The following TRDMT1 variants were observed in gnomAD, a reference collection of about 807,000 sequenced individuals.
The protein encoded by TRDMT1 is tRNA aspartic acid methyltransferase 1.
TRDMT1 carries 49 observed loss-of-function variants against 51.2 expected under a neutral mutation model. That is an observed-to-expected ratio of 0.96 (90% CI 0.76 to 1.21). The LOEUF (loss-of-function observed/expected upper bound fraction) is 1.21. Among genes scored for constraint, TRDMT1 ranks in the 50% most tolerant of loss-of-function variants. The pLI is 0.00. For synonymous variants in TRDMT1, 187 were observed against 164.6 expected, an observed-to-expected ratio of 1.14 and a Z score of -1.04; for missense variants, 534 against 462.3, an observed-to-expected ratio of 1.16 and a Z score of -1.42.
chr10:17,150,437 C>T (rs1159347343), intron 10 of TRDMT1: 1 of 985,136 alleles, frequency 1.0e-6, no homozygotes, highest in African/African-American at 1.7e-5. Flanking sequence ...ATTGGACTTC[C>T]ATTTGCTACA....
intron 10 of TRDMT1, among the ~76,000 whole-genome samples, chr10:17,149,881 C>T (rs954377896): frequency 6.6e-6 from 1 of 152,062 alleles, no homozygotes; most frequent in East Asian, 1.9e-4. Flanking sequence ...TCCATTCATT[C>T]GTTCATAGAC....
chr10:17,147,464 A>G lies in TRDMT1; in HGVS notation c.*1576T>C, dbSNP rs757976757. 1.8e-5 allele frequency: 10 copies of G among 564,914 alleles called. No individual in the cohort carries two copies. Among genetic ancestry groups the G allele is most frequent in the Non-Finnish European group, 2.2e-5 (10 of 446,148 alleles). The allele number at this position is 564,914 out of a possible 1,614,324, so 35.0% of individuals were successfully genotyped here. ...ATACAGTTGCAGTGGCATTAAGTACACTCACACTGTTGTGCAACCATCCTC... is the reference window on the plus strand; with the variant it reads ...ATACAGTTGCAGTGGCATTAAGTACGCTCACACTGTTGTGCAACCATCCTC... On this transcript the variant is annotated 3_prime_UTR_variant, in exon 11 of 11. Transcript: ENST00000377799.
chr10:17,193,314 G>T (rs1407056750), intron 1 of TRDMT1, among the ~76,000 whole-genome samples: 1 of 151,938 alleles, frequency 6.6e-6, no homozygotes, highest in Non-Finnish European at 1.5e-5. Flanking sequence ...AGTGAGCCAA[G>T]ATTAAGCCAC....
intron 1 of TRDMT1, among the ~76,000 whole-genome samples, chr10:17,190,433 CAAA>C (rs36012341): frequency 7.8e-6 from 1 of 128,080 alleles, no homozygotes; most frequent in East Asian, 2.5e-4. Context: ...AATAAAAGAG[CAAA>C]AAAAAAAAAA....
chr10:17,152,252 C>T (rs905990325), intron 10 of TRDMT1, among the ~76,000 whole-genome samples: 1 of 152,112 alleles, frequency 6.6e-6, no homozygotes. Context: ...TTAAACAACA[C>T]TCCCCAGGAT....
At chr10:17,183,023 A>T (rs1843463584) in intron 1 of TRDMT1, among the ~76,000 whole-genome samples, 2 of 152,210 alleles carry the variant, frequency 1.3e-5, no homozygotes, top group Non-Finnish European at 2.9e-5. Context: ...TTGTGGTATA[A>T]ATTGACATAA....
chr10:17,175,822 T>C (rs769133921), intron 1 of TRDMT1, among the ~76,000 whole-genome samples: 10 of 151,906 alleles, frequency 6.6e-5, no homozygotes, highest in Non-Finnish European at 1.0e-4. Context: ...CTAGAAGAGA[T>C]GAGGCCAGGA....
rs11254405 is a variant in TRDMT1 at position 17,148,562 on chromosome 10, T to C, written c.*478A>G. On this transcript the variant is annotated 3_prime_UTR_variant, in exon 11 of 11. Transcript: ENST00000377799. ...TAATTTGGTTTACATATCATATGCA[T>C]TTGTTTAGATGAAATAAAGAAATAT... is the stretch of plus-strand genomic sequence containing the variant. 0.15 allele frequency: 144,926 copies of C among 979,386 alleles called. 10,954 individuals carry two copies. Among genetic ancestry groups the C allele is most frequent in the Admixed American group, 0.17 (2,789 of 16,258 alleles). The allele number at this position is 979,386 out of a possible 1,614,324, so 60.7% of individuals were successfully genotyped here.
chr10:17,185,233 T>C (rs1422838790), intron 1 of TRDMT1, among the ~76,000 whole-genome samples: 1 of 152,204 alleles, frequency 6.6e-6, no homozygotes, highest in African/African-American at 2.4e-5. Context: ...TATCAAATGC[T>C]AGAAAGGACC....
chr10:17,191,660 A>T (rs1419078357), intron 1 of TRDMT1, among the ~76,000 whole-genome samples: 1 of 152,154 alleles, frequency 6.6e-6, no homozygotes, highest in African/African-American at 2.4e-5. Context: ...GATGCCCTGC[A>T]GTAGAGACGC....
intron 2 of TRDMT1, 88 bp downstream of exon 2, chr10:17,174,463 A>G (rs1842402016): frequency 3.5e-6 from 3 of 848,056 alleles, no homozygotes; most frequent in Non-Finnish European, 5.6e-6. Flanking sequence ...TTATCTTCCA[A>G]TTAAGACAAC....
At chr10:17,167,560 T>G (rs1416914535) in intron 3 of TRDMT1, among the ~76,000 whole-genome samples, 1 of 152,158 alleles carries the variant, frequency 6.6e-6, no homozygotes, top group African/African-American at 2.4e-5. Flanking sequence ...TAAAAATATC[T>G]AAATGAAAAT....
rs1420552009 is a variant in TRDMT1, at chr10:17,139,857, T to TA, written c.*9182dup. On this transcript the variant is annotated 3_prime_UTR_variant, in exon 11 of 11. Coordinates refer to ENST00000377799, the MANE Select transcript of TRDMT1 (RefSeq NM_004412.7). Reference sequence around the variant, plus strand: ...TTCAATGCCGTTATTCTAAGATCTATAAAAAACAACACCTTTGTATGCTTT... The same window carrying TA: ...TTCAATGCCGTTATTCTAAGATCTATAAAAAAACAACACCTTTGTATGCTTT... 6.6e-6 allele frequency among the ~76,000 whole-genome samples: 1 copy of TA among 152,062 alleles called. No homozygotes were observed. Among genetic ancestry groups the TA allele is most frequent in the Non-Finnish European group, 1.5e-5 (1 of 68,022 alleles).
At chr10:17,188,122 C>T (rs1844187950) in intron 1 of TRDMT1, among the ~76,000 whole-genome samples, 2 of 150,522 alleles carry the variant, frequency 1.3e-5, no homozygotes, top group Non-Finnish European at 3.0e-5. Flanking sequence ...TGAAGAATTA[C>T]AGCTCTTAGG....
chr10:17,153,327 G>A, intron 10 of TRDMT1, 180 bp downstream of exon 10: 1 of 675,310 alleles, frequency 1.5e-6, no homozygotes, highest in East Asian at 2.8e-5. Context: ...AGTCAGTAGA[G>A]AACCGAATGA....
At chr10:17,200,794 A>AT in intron 1 of TRDMT1, among the ~76,000 whole-genome samples, 1 of 152,338 alleles carries the variant, frequency 6.6e-6, no homozygotes, top group Non-Finnish European at 1.5e-5. Flanking sequence ...TTGCTTGATA[A>AT]TATCTCGTGA....
At chr10:17,169,304 A>C (rs1045162671) in intron 2 of TRDMT1, 8 of 1,177,604 alleles carry the variant, frequency 6.8e-6, no homozygotes, top group Non-Finnish European at 8.5e-6. Context: ...ATTTTTAAAT[A>C]CCTACCTGTC....
At chr10:17,180,304 G>T (rs1241484867) in intron 1 of TRDMT1, among the ~76,000 whole-genome samples, 1 of 152,128 alleles carries the variant, frequency 6.6e-6, no homozygotes, top group Non-Finnish European at 1.5e-5. Flanking sequence ...ACTTTGGGAG[G>T]CTGAGGCGGG....
chr10:17,168,959 A>C, intron 2 of TRDMT1, 42 bp from the exon 3 acceptor site: 1 of 1,297,466 alleles, frequency 7.7e-7, no homozygotes. Flanking sequence ...ACATAAAAAC[A>C]TGGATAGAAT....
Sources: gnomAD v4.1 joint callset for allele counts (sites outside exome capture counted in the v4.1 genomes callset) on GRCh38, gnomAD v4.1.1 for gene constraint, MANE v1.5 for transcripts, NCBI Gene and HGNC (gene_info 2026-07-23, HGNC 2026-07-21) for gene names.